Variants in MRTFB observed in about 807,000 individuals in gnomAD.
MRTFB encodes myocardin related transcription factor B.
A neutral mutation model predicts 104.2 loss-of-function variants in MRTFB; 29 were observed. The observed-to-expected ratio is 0.28, with a 90% CI of 0.21 to 0.38. The LOEUF is 0.38. MRTFB is among the 10% of genes least tolerant of loss of function. The pLI is 1.00. For missense variants in MRTFB, 1,270 were observed against 1,341.6 expected, an observed-to-expected ratio of 0.95 and a Z score of 0.83; for synonymous variants, 535 against 519.5, an observed-to-expected ratio of 1.03 and a Z score of -0.41.
At chr16:14,093,444 C>T (rs2141989482) in intron 2 of MRTFB, among the ~76,000 whole-genome samples, 1 of 151,986 alleles carries the variant, frequency 6.6e-6, no homozygotes, top group South Asian at 2.1e-4. Context: ...CTTAATTTTT[C>T]ACTAAAGAAC....
intron 3 of MRTFB, among the ~76,000 whole-genome samples, chr16:14,162,073 T>C (rs1259561794): frequency 4.2e-5 from 6 of 144,272 alleles, no homozygotes; most frequent in African/African-American, 1.6e-4. Context: ...CCCAGTACTT[T>C]GAGAGGCCAA....
intron 2 of MRTFB, among the ~76,000 whole-genome samples, chr16:14,109,184 C>T (rs764589488): frequency 6.6e-6 from 1 of 152,020 alleles, no homozygotes; most frequent in Non-Finnish European, 1.5e-5. Flanking sequence ...CAGGCTGTTC[C>T]CAAGGAAGCT....
Position 14,250,917 on chromosome 16 carries a change from C to T in MRTFB, c.2404-945C>T, listed in dbSNP as rs1455407328. ...AAAGCAGAACCAAGAATTATTTTCC[C>T]TCAGAAGCTGAGAGGCAGGGGGTAA... On this transcript the variant is annotated intron_variant, in intron 13 of 16. Transcript: ENST00000571589. 2.0e-5 allele frequency among the ~76,000 whole-genome samples: 3 copies of T among 152,132 alleles called. No individual in the cohort carries two copies. The East Asian group carries it at 5.8e-4, about 29-fold the overall frequency.
intron 3 of MRTFB, among the ~76,000 whole-genome samples, chr16:14,155,016 G>T (rs1197752824): frequency 1.3e-5 from 2 of 152,174 alleles, no homozygotes; most frequent in Admixed American, 6.5e-5. Flanking sequence ...AGGAGGCAGG[G>T]ATCCCTGGGA....
intron 5 of MRTFB, 70 bp downstream of exon 5, chr16:14,212,479 C>A: frequency 1.4e-6 from 2 of 1,408,330 alleles, no homozygotes; most frequent in South Asian, 1.2e-5. Context: ...TACCTGTGTA[C>A]AAGTAGCAGT....
the MRTFB span, among the ~76,000 whole-genome samples, chr16:14,010,695 G>A: frequency 1.3e-5 from 2 of 152,146 alleles, no homozygotes; most frequent in African/African-American, 2.4e-5. Context: ...CAAAATGCTG[G>A]GATTATAGGC....
At chr16:14,252,256 G>A (rs1034715296) in intron 14 of MRTFB, 109 bp from the exon 15 acceptor site, 3 of 1,489,604 alleles carry the variant, frequency 2.0e-6, no homozygotes, top group Non-Finnish European at 2.7e-6. Flanking sequence ...ACCTGCTCAT[G>A]AATTCCCTGA....
chr16:14,098,550 C>G (rs745381119), intron 2 of MRTFB, among the ~76,000 whole-genome samples: 4 of 152,148 alleles, frequency 2.6e-5, no homozygotes, highest in Non-Finnish European at 5.9e-5. Context: ...AAGAGCAGTT[C>G]TTAATTTTGA....
At position 14,140,549 on chromosome 16, in the gene MRTFB, T is replaced by C. The variant is rs925331717; in HGVS notation, c.-58T>C. The C allele has an allele frequency of 2.5e-6, 4 of 1,598,698 alleles. No homozygotes were observed. In the Admixed American group the frequency reaches 5.1e-5, roughly 20 times the overall value. Reference sequence around the variant, plus strand: ...CACATTCTTTATTTTGGCAGTGTCTTCAATAGGCCGTGTTTAAGAGGCGTC... The same window carrying C: ...CACATTCTTTATTTTGGCAGTGTCTCCAATAGGCCGTGTTTAAGAGGCGTC... On this transcript the variant is annotated 5_prime_UTR_variant, in exon 3 of 17. Transcript: ENST00000571589.
intron 3 of MRTFB, among the ~76,000 whole-genome samples, chr16:14,195,887 G>C (rs769242187): frequency 6.6e-6 from 1 of 152,182 alleles, no homozygotes; most frequent in Non-Finnish European, 1.5e-5. Flanking sequence ...GAACTTTAAG[G>C]ATAGAACCAA....
At chr16:14,129,924 G>A (rs1014323388) in intron 2 of MRTFB, among the ~76,000 whole-genome samples, 1 of 152,182 alleles carries the variant, frequency 6.6e-6, no homozygotes, top group Non-Finnish European at 1.5e-5. Context: ...TGCCTCCTGT[G>A]TTCAAGCAAT....
At chr16:14,079,240 G>T in intron 1 of MRTFB, 50 bp from the exon 2 acceptor site, 1 of 334,868 alleles carries the variant, frequency 3.0e-6, no homozygotes, top group Non-Finnish European at 5.5e-6. Context: ...ACCTTGTCTG[G>T]CATGTAGTAG....
At chr16:14,226,011 A>G (rs1311011371) in intron 8 of MRTFB, among the ~76,000 whole-genome samples, 3 of 152,164 alleles carry the variant, frequency 2.0e-5, no homozygotes, top group Non-Finnish European at 4.4e-5. Context: ...ATGGCATCAG[A>G]CACTCTTGGC....
upstream of MRTFB, among the ~76,000 whole-genome samples, chr16:14,070,924 C>A (rs954386477): frequency 1.3e-5 from 2 of 152,192 alleles, no homozygotes; most frequent in Non-Finnish European, 2.9e-5. Context: ...CTGGTAATAC[C>A]CACTTTGGAG....
chr16:14,182,548 T>C (rs1332555208), intron 3 of MRTFB, among the ~76,000 whole-genome samples: 1 of 152,178 alleles, frequency 6.6e-6, no homozygotes, highest in African/African-American at 2.4e-5. Flanking sequence ...ATATAAATGT[T>C]ATGTAGATGT....
chr16:14,079,325 A>G lies in MRTFB; in HGVS notation c.-93A>G, dbSNP rs141800951. 56 of 352,990 alleles carry G rather than the reference A, an allele frequency of 1.6e-4. No individual in the cohort carries two copies. The highest frequency in any genetic ancestry group is 1.1e-3 in the African/African-American group (53 of 47,966). 21.9% of individuals were successfully genotyped at this position (352,990 alleles called of 1,614,324 possible). A position where few individuals can be genotyped will look rare whatever the true frequency, so the allele number is the denominator to read the frequency against. ...AAGGTGCTAAGAAAGAGAATGTAAG[A>G]CAGGAAAATAATTAAATATTCTTAC... On this transcript the variant is annotated 5_prime_UTR_variant, in exon 2 of 17. Coordinates refer to ENST00000571589, the MANE Select transcript of MRTFB (RefSeq NM_001308142.2).
the MRTFB span, chr16:14,018,886 C>T: frequency 6.6e-6 from 1 of 152,132 alleles, no homozygotes; most frequent in Admixed American, 6.5e-5. Flanking sequence ...CAAATGCCTT[C>T]ATTTACTTGC....
chr16:14,224,127 C>G (rs1357156037), intron 8 of MRTFB, among the ~76,000 whole-genome samples: 2 of 152,152 alleles, frequency 1.3e-5, no homozygotes, highest in Non-Finnish European at 2.9e-5. Flanking sequence ...TACACACTTT[C>G]AAACAACCAG....
chr16:14,069,703 A>C (rs961030925), upstream of MRTFB, among the ~76,000 whole-genome samples: 5 of 151,940 alleles, frequency 3.3e-5, no homozygotes, highest in African/African-American at 1.2e-4. Flanking sequence ...GCTGGTCTAA[A>C]ACTCCTAGGC....
Sources: allele counts gnomAD v4.1 joint callset (sites outside exome capture counted in the v4.1 genomes callset), GRCh38; gene constraint gnomAD v4.1.1; transcripts MANE v1.5; gene names NCBI Gene and HGNC (gene_info 2026-07-23, HGNC 2026-07-21).